Variants in ADARB1 observed in about 807,000 individuals in gnomAD.
ADARB1 encodes adenosine deaminase RNA specific B1.
A neutral mutation model predicts 52.4 loss-of-function variants in ADARB1; 10 were observed. That is an observed-to-expected ratio of 0.19 (90% CI 0.12 to 0.32). ADARB1 has a LOEUF of 0.32. Among genes scored for constraint, ADARB1 ranks in the 10% least tolerant of loss-of-function variants. The probability of loss-of-function intolerance (pLI) is 1.00; values close to 1 mark genes in which losing one functional copy is unlikely to be tolerated. For synonymous variants in ADARB1, 349 were observed against 371.1 expected (o/e 0.94, Z 0.68); for missense variants, 643 against 922.3 (o/e 0.70, Z 3.92).
At chr21:45,124,491 C>T (rs941051318) in intron 1 of ADARB1, among the ~76,000 whole-genome samples, 1 of 152,052 alleles carries the variant, frequency 6.6e-6, no homozygotes, top group African/African-American at 2.4e-5. Context: ...CCTCCTGCCT[C>T]AGCCTTCTGA....
intron 9 of ADARB1, among the ~76,000 whole-genome samples, chr21:45,211,402 C>G (rs944527309): frequency 2.0e-5 from 3 of 152,162 alleles, no homozygotes; most frequent in African/African-American, 7.2e-5. Flanking sequence ...GGTCTTGACT[C>G]TTTCTTATTT....
chr21:45,199,912 C>A (rs1299714804), intron 8 of ADARB1, among the ~76,000 whole-genome samples: 1 of 152,124 alleles, frequency 6.6e-6, no homozygotes, highest in African/African-American at 2.4e-5. Flanking sequence ...GGCTCATGGA[C>A]CTGAACCCTT....
chr21:45,162,910 A>G (rs2091050163), intron 2 of ADARB1, among the ~76,000 whole-genome samples: 1 of 151,754 alleles, frequency 6.6e-6, no homozygotes, highest in African/African-American at 2.4e-5. Context: ...CCAGATGTGA[A>G]TCTTAACTCA....
intron 2 of ADARB1, among the ~76,000 whole-genome samples, chr21:45,164,962 C>T (rs1390942722): frequency 6.6e-6 from 1 of 152,174 alleles, no homozygotes; most frequent in Non-Finnish European, 1.5e-5. Context: ...ACAGGATTTA[C>T]ACATGTGCAT....
At chr21:45,165,598 G>A (rs1014814538) in intron 2 of ADARB1, among the ~76,000 whole-genome samples, 10 of 152,196 alleles carry the variant, frequency 6.6e-5, no homozygotes, top group Admixed American at 2.0e-4. Flanking sequence ...AATACTGAAA[G>A]CAAAATATAA....
chr21:45,106,023 T>C (rs428870), intron 1 of ADARB1, among the ~76,000 whole-genome samples: 120,144 of 152,192 alleles, frequency 0.79, 47,677 homozygotes, highest in South Asian at 0.86. Context: ...AGAAATTCTT[T>C]TGTAAGAACA....
chr21:45,221,133 A>T lies in ADARB1; in HGVS notation c.1926+119A>T, dbSNP rs1266578656. The T allele has an allele frequency of 3.4e-6, 4 of 1,180,900 alleles. No homozygotes were observed. The East Asian group carries it at 7.8e-5, about 23-fold the overall frequency. The allele number at this position is 1,180,900 out of a possible 1,614,324, so 73.2% of individuals were successfully genotyped here. On this transcript the variant is annotated intron_variant, in intron 10 of 10. Transcript: ENST00000348831. This position sits in a 1 kb window ranked among gnomAD's most constrained non-coding sequence, Gnocchi z 4.9. Reference sequence around the variant, plus strand: ...TCATCATGCACAGCTTCCGAAAACGATCACTTGGAATGATTCTTCCTTCAG... The same window carrying T: ...TCATCATGCACAGCTTCCGAAAACGTTCACTTGGAATGATTCTTCCTTCAG...
In ADARB1 at chr21:45,183,458, C is replaced by T. The variant is rs779000758; in HGVS notation, c.1344C>T (p.Thr448=). 9 of 1,613,278 alleles carry T rather than the reference C, an allele frequency of 5.6e-6. No homozygotes were observed. The South Asian group carries it at 8.8e-5, about 16-fold the overall frequency. The change falls in exon 7 of 11, where the codon ACC becomes ACT. Residue 448 remains threonine (T), a synonymous_variant. Transcript: ENST00000348831. The part of the protein sequence containing the change: ...ENVQFHLYIS[T]SPCGDARIFS... The stretch of plus-strand genomic sequence containing the variant: ...TCCAGTTTCATCTGTACATCAGCAC[C>T]TCTCCCTGTGGAGATGCCAGAATCT...
At chr21:45,109,659 TGAA>T (rs1368605492) in intron 1 of ADARB1, among the ~76,000 whole-genome samples, 1 of 152,216 alleles carries the variant, frequency 6.6e-6, no homozygotes, top group Non-Finnish European at 1.5e-5. Flanking sequence ...AAATACTTGT[TGAA>T]GAATAAATGG....
Position 45,220,736 on chromosome 21 carries a change from C to A in ADARB1, c.1748-100C>A. 1 of 1,316,728 alleles carries A rather than the reference C, an allele frequency of 7.6e-7. No homozygotes were observed. The highest frequency in any genetic ancestry group is 1.1e-6 in the Non-Finnish European group (1 of 937,626). The allele number at this position is 1,316,728 out of a possible 1,614,324, so 81.6% of individuals were successfully genotyped here. A position where few individuals can be genotyped will look rare whatever the true frequency, so the allele number is the denominator to read the frequency against. ...GCAGGCAGAATTCCCCCACCACGCA[C>A]TTCTGTGGCCATGTCTGAGCACAGT... On this transcript the variant is annotated intron_variant, in intron 9 of 10. Transcript: ENST00000348831. This position sits in a 1 kb window ranked among gnomAD's most constrained non-coding sequence, Gnocchi z 6.3.
Position 45,222,965 on chromosome 21 carries a change from A to T in ADARB1, c.*768A>T, listed in dbSNP as rs1026250239. ...CTCCTTGTAGGATCAGATCATGGAA[A>T]ACTTTTCTCAGTTTACTTCTAAGTA... On this transcript the variant is annotated 3_prime_UTR_variant, in exon 11 of 11. Coordinates refer to ENST00000348831, the MANE Select transcript of ADARB1 (RefSeq NM_001112.4). 2.0e-6 allele frequency: 2 copies of T among 985,350 alleles called. No individual in the cohort carries two copies. The highest frequency in any genetic ancestry group is 3.5e-5 in the African/African-American group (2 of 57,240). The allele number at this position is 985,350 out of a possible 1,614,324, so 61.0% of individuals were successfully genotyped here. A position where few individuals can be genotyped will look rare whatever the true frequency, so the allele number is the denominator to read the frequency against.
chr21:45,186,045 A>G (rs1010569510), intron 8 of ADARB1, among the ~76,000 whole-genome samples: 4 of 152,108 alleles, frequency 2.6e-5, no homozygotes, highest in Non-Finnish European at 5.9e-5. Context: ...TGATGTGTTT[A>G]TTTATTATTT....
At chr21:45,199,474 C>T (rs938425169) in intron 8 of ADARB1, among the ~76,000 whole-genome samples, 1 of 152,188 alleles carries the variant, frequency 6.6e-6, no homozygotes, top group Admixed American at 6.5e-5. Context: ...GCAGTCTGTG[C>T]TAGACGTGGT....
intron 9 of ADARB1, among the ~76,000 whole-genome samples, chr21:45,218,193 C>T (rs915477756): frequency 2.0e-5 from 3 of 152,180 alleles, no homozygotes; most frequent in Admixed American, 2.0e-4. Flanking sequence ...ACACATATTT[C>T]ACCCTACCTA....
chr21:45,160,429 C>T (rs2090904552), intron 2 of ADARB1, among the ~76,000 whole-genome samples: 1 of 152,256 alleles, frequency 6.6e-6, no homozygotes, highest in South Asian at 2.1e-4. Flanking sequence ...TGTGTGTTCA[C>T]ATGTTCCATG....
chr21:45,215,374 A>G (rs1602040118), intron 9 of ADARB1, among the ~76,000 whole-genome samples: 1 of 152,272 alleles, frequency 6.6e-6, no homozygotes, highest in Admixed American at 6.5e-5. Context: ...AGATGTCTTT[A>G]TCAGCTCAAG....
chr21:45,085,521 T>C (rs2086306353), intron 1 of ADARB1, among the ~76,000 whole-genome samples: 1 of 152,218 alleles, frequency 6.6e-6, no homozygotes, highest in Non-Finnish European at 1.5e-5. Context: ...ATTCTCGATA[T>C]GAATGAAAGT....
intron 9 of ADARB1, among the ~76,000 whole-genome samples, chr21:45,219,893 A>AGC (rs1315724746): frequency 6.6e-6 from 1 of 152,048 alleles, no homozygotes; most frequent in African/African-American, 2.4e-5. Context: ...GAACCCAACA[A>AGC]GCAAAACGCC....
intron 1 of ADARB1, among the ~76,000 whole-genome samples, chr21:45,082,390 A>G (rs2086187471): frequency 6.6e-6 from 1 of 152,260 alleles, no homozygotes. Context: ...AAGTAAAAAA[A>G]TCATAAGTCA....
Sources: allele counts gnomAD v4.1 joint callset (sites outside exome capture counted in the v4.1 genomes callset), GRCh38; gene constraint gnomAD v4.1.1; non-coding constraint Gnocchi (gnomAD v3.1); transcripts MANE v1.5; gene names NCBI Gene and HGNC (gene_info 2026-07-23, HGNC 2026-07-21).